Variants in MARK2 observed in about 807,000 individuals in gnomAD.
MARK2 encodes serine/threonine-protein kinase MARK2.
Under a neutral mutation model 89.8 loss-of-function variants are expected in MARK2, and 16 were observed. That is an observed-to-expected ratio of 0.18 (90% CI 0.12 to 0.27). MARK2 has a LOEUF of 0.27. Among genes scored for constraint, MARK2 ranks in the 10% least tolerant of loss-of-function variants. MARK2 has a pLI of 1.00. For synonymous variants in MARK2, 382 were observed against 399.5 expected, an observed-to-expected ratio of 0.96 and a Z score of 0.52; for missense variants, 621 against 1,049.9, an observed-to-expected ratio of 0.59 and a Z score of 5.65.
At chr11:63,888,853 C>T in intron 1 of MARK2, 1 of 1,313,518 alleles carries the variant, frequency 7.6e-7, no homozygotes, top group East Asian at 5.0e-5. Flanking sequence ...AGCCCCCGCC[C>T]TAGGCCTGGC....
At chr11:63,895,104 C>T (rs909578555) in intron 1 of MARK2, 55 bp from the exon 2 acceptor site, 8 of 1,484,890 alleles carry the variant, frequency 5.4e-6, no homozygotes, top group African/African-American at 2.8e-5. Context: ...TTGCAGAGAG[C>T]GTTTAGAGGA....
At chr11:63,855,427 G>C (rs1209123482) in intron 1 of MARK2, among the ~76,000 whole-genome samples, 1 of 112,598 alleles carries the variant, frequency 8.9e-6, no homozygotes, top group Non-Finnish European at 1.9e-5. Flanking sequence ...AGGAGGCTGA[G>C]GCGAGAAGAT....
rs1487912942 is a variant in MARK2, at chr11:63,876,703, T to C, written c.55-18456T>C. On this transcript the variant is annotated intron_variant, in intron 1 of 18. Coordinates refer to ENST00000402010, the MANE Select transcript of MARK2 (RefSeq NM_001039469.3). ...TTGTTGGGTAGGAGCTGTATTCCTC[T>C]TGGAGCCATCTTTTCTTCCCTGCCA... is the stretch of plus-strand genomic sequence containing the variant. 6.0e-5 allele frequency among the ~76,000 whole-genome samples: 7 copies of C among 117,108 alleles called. No individual in the cohort carries two copies. In the East Asian group the frequency reaches 4.3e-3, roughly 72 times the overall value. The allele number at this position is 117,108 out of a possible 152,430, so 76.8% of individuals were successfully genotyped here.
chr11:63,873,855 C>T (rs1484076546), intron 1 of MARK2, among the ~76,000 whole-genome samples: 1 of 152,232 alleles, frequency 6.6e-6, no homozygotes, highest in Non-Finnish European at 1.5e-5. Context: ...CCATGTTGGC[C>T]AGGCTGGTCT....
intron 1 of MARK2, among the ~76,000 whole-genome samples, chr11:63,848,195 C>T (rs189818680): frequency 2.0e-5 from 3 of 152,258 alleles, no homozygotes; most frequent in African/African-American, 7.2e-5. Context: ...AAAATATGAA[C>T]GTTTAGTAAT....
chr11:63,851,042 T>C (rs537589132), intron 1 of MARK2, among the ~76,000 whole-genome samples: 45 of 152,282 alleles, frequency 3.0e-4, no homozygotes, highest in Middle Eastern at 3.4e-3. Context: ...CAGCAGCCCA[T>C]GATTGTAGGT....
At chr11:63,859,879 C>T (rs1198335443) in intron 1 of MARK2, among the ~76,000 whole-genome samples, 16 of 152,330 alleles carry the variant, frequency 1.1e-4, no homozygotes, top group South Asian at 4.1e-4. Flanking sequence ...ATCCACCTGC[C>T]GTGGCCTCCT....
Position 63,890,157 on chromosome 11 carries a change from A to G in MARK2, c.55-5002A>G, listed in dbSNP as rs1035860109. The G allele has an allele frequency of 1.7e-5, 19 of 1,103,616 alleles. No homozygotes were observed. In the African/African-American group the frequency reaches 2.9e-4, roughly 17 times the overall value. The allele number at this position is 1,103,616 out of a possible 1,614,324, so 68.4% of individuals were successfully genotyped here. On this transcript the variant is annotated intron_variant, in intron 1 of 18. Transcript: ENST00000402010. The stretch of plus-strand genomic sequence containing the variant: ...TTGCCTCACTTGGGGCCTTGGCCCA[A>G]GAAGCATTTCTGTTGGAGACTCTCT...
chr11:63,853,078 C>T lies in MARK2; in HGVS notation c.54+13518C>T, dbSNP rs111578336. On this transcript the variant is annotated intron_variant, in intron 1 of 18. Coordinates refer to ENST00000402010, the MANE Select transcript of MARK2 (RefSeq NM_001039469.3). ...AAGTCAGTAAAATTCAAGGCAGTGC[C>T]GCTTTAAATGTTACCAGGATTCATT... Among the ~76,000 whole-genome samples the T allele has an allele frequency of 2.9e-3, 445 of 152,260 alleles. 2 individuals are homozygous for T. The highest frequency in any genetic ancestry group is 0.01 in the African/African-American group (429 of 41,556).
At chr11:63,857,291 C>G (rs2016914344) in intron 1 of MARK2, among the ~76,000 whole-genome samples, 1 of 152,164 alleles carries the variant, frequency 6.6e-6, no homozygotes, top group Admixed American at 6.6e-5. Flanking sequence ...CTCTGCCTTC[C>G]CAGTAGCTGG....
At chr11:63,895,453 C>G in intron 2 of MARK2, 115 bp downstream of exon 2, 1 of 1,428,960 alleles carries the variant, frequency 7.0e-7, no homozygotes, top group South Asian at 1.2e-5. Flanking sequence ...GAAATGAGAT[C>G]TGAGATATAG....
Position 63,902,544 on chromosome 11 carries a change from G to A in MARK2, c.1235-57G>A, listed in dbSNP as rs961770683. On this transcript the variant is annotated intron_variant, in intron 12 of 18. Transcript: ENST00000402010. This position sits in a 1 kb window ranked among gnomAD's most constrained non-coding sequence, Gnocchi z 4.2. ...CCCTGTAGGAAATGAGCATGCGTGGGGCTGGCACTCAGTGGACCCCTTGGC... is the reference window on the plus strand; with the variant it reads ...CCCTGTAGGAAATGAGCATGCGTGGAGCTGGCACTCAGTGGACCCCTTGGC... 9 of 1,525,354 alleles carry A rather than the reference G, an allele frequency of 5.9e-6. No homozygotes were observed. The highest frequency in any genetic ancestry group is 7.2e-6 in the Non-Finnish European group (8 of 1,110,986). The allele number at this position is 1,525,354 out of a possible 1,614,324, so 94.5% of individuals were successfully genotyped here.
chr11:63,906,828 C>T (rs1941379566), intron 17 of MARK2, among the ~76,000 whole-genome samples: 1 of 150,460 alleles, frequency 6.6e-6, no homozygotes, highest in African/African-American at 2.5e-5. Flanking sequence ...CGCACCCCTG[C>T]CCCAGCACCC....
At chr11:63,858,303 A>G in intron 1 of MARK2, among the ~76,000 whole-genome samples, 1 of 152,138 alleles carries the variant, frequency 6.6e-6, no homozygotes, top group Non-Finnish European at 1.5e-5. Context: ...GGCATGAGCC[A>G]CTGTGCCTGG....
At chr11:63,885,885 T>G (rs1368416752) in intron 1 of MARK2, among the ~76,000 whole-genome samples, 1 of 151,006 alleles carries the variant, frequency 6.6e-6, no homozygotes, top group East Asian at 1.9e-4. Context: ...TCCCAGCACT[T>G]TGGGAGGCCA....
chr11:63,849,331 G>A (rs1016879912), intron 1 of MARK2, among the ~76,000 whole-genome samples: 11 of 152,158 alleles, frequency 7.2e-5, no homozygotes, highest in African/African-American at 2.7e-4. Context: ...CAGGAAGTGG[G>A]GCTCCTTAGG....
At chr11:63,841,971 C>T (rs538733527) in intron 1 of MARK2, among the ~76,000 whole-genome samples, 2 of 152,276 alleles carry the variant, frequency 1.3e-5, no homozygotes, top group South Asian at 2.1e-4. Context: ...TGTAAGTAAG[C>T]TCTTTGCTCT....
rs1057177 is a variant in MARK2 at position 63,902,262 on chromosome 11, C to T, written c.1166C>T (p.Pro389Leu). ...GCTGATCTGACCAATAGCAGCGCCC[C>T]ATCCCCATCCCACAAGGTACAGCGC... ...PSADLTNSSA[P>L]SPSHKVQRSV... Residue 389 changes from proline to leucine, a missense_variant, in exon 12 of 19, where the codon CCA becomes CTA. By Grantham distance (98) the Pro-to-Leu change is moderately conservative (BLOSUM62 -3). Coordinates refer to ENST00000402010, the MANE Select transcript of MARK2 (RefSeq NM_001039469.3). This position sits in a 1 kb window ranked among gnomAD's most constrained non-coding sequence, Gnocchi z 4.2. The T allele has an allele frequency of 9.4e-5, 152 of 1,614,004 alleles. No individual in the cohort carries two copies. The highest frequency in any genetic ancestry group is 4.9e-4 in the Middle Eastern group (3 of 6,082).
At chr11:63,877,321 G>T (rs1438133377) in intron 1 of MARK2, among the ~76,000 whole-genome samples, 4 of 151,872 alleles carry the variant, frequency 2.6e-5, no homozygotes, top group African/African-American at 9.7e-5. Flanking sequence ...ATGTTGGCCA[G>T]TCTGGTCTCG....
Sources: allele counts gnomAD v4.1 joint callset (sites outside exome capture counted in the v4.1 genomes callset), GRCh38; gene constraint gnomAD v4.1.1; non-coding constraint Gnocchi (gnomAD v3.1); transcripts MANE v1.5; gene names NCBI Gene and HGNC (gene_info 2026-07-23, HGNC 2026-07-21).